SKIC2: variants seen among roughly 807,000 people sequenced by gnomAD.
The protein encoded by SKIC2 is superkiller complex protein 2.
the SKIC2 span, chr6:31,962,728 G>A: frequency 6.2e-7 from 1 of 1,612,844 alleles, no homozygotes; most frequent in African/African-American, 1.3e-5. This position sits in a 1 kb window ranked among gnomAD's most constrained non-coding sequence, Gnocchi z 5.0. Flanking sequence ...ATGCTGTACA[G>A]TGGCTCAGAT....
chr6:31,968,423 T>A, the SKIC2 span: 2 of 1,612,934 alleles, frequency 1.2e-6, no homozygotes, highest in Non-Finnish European at 8.5e-7. This position sits in a 1 kb window ranked among gnomAD's most constrained non-coding sequence, Gnocchi z 6.1. Flanking sequence ...CTCGACCCTG[T>A]CAATGACCTG....
chr6:31,968,001 C>T, the SKIC2 span: 1 of 1,613,080 alleles, frequency 6.2e-7, no homozygotes, highest in Non-Finnish European at 8.5e-7. This position sits in a 1 kb window ranked among gnomAD's most constrained non-coding sequence, Gnocchi z 6.1. Flanking sequence ...GGAGATATGG[C>T]TGCCATCACC....
At chr6:31,959,316 C>T in the SKIC2 span, 1 of 1,613,870 alleles carries the variant, frequency 6.2e-7, no homozygotes. Context: ...CTCCAGATCC[C>T]CTGGACCTAC....
the SKIC2 span, chr6:31,959,824 C>T: frequency 1.7e-6 from 1 of 600,320 alleles, no homozygotes; most frequent in South Asian, 2.0e-5. Flanking sequence ...GTCCAGCCTC[C>T]ATGTTTCTGA....
chr6:31,966,701 G>A, the SKIC2 span: 2 of 1,614,010 alleles, frequency 1.2e-6, no homozygotes, highest in Admixed American at 1.7e-5. The surrounding 1 kb of genome is among the most constrained non-coding windows in gnomAD (Gnocchi z 5.9). Context: ...TCTGTGACCT[G>A]ACTCCAGGGG....
chr6:31,966,079 C>A, the SKIC2 span: 1 of 1,022,786 alleles, frequency 9.8e-7, no homozygotes, highest in Non-Finnish European at 1.4e-6. This position sits in a 1 kb window ranked among gnomAD's most constrained non-coding sequence, Gnocchi z 5.9. Flanking sequence ...GTCTTCGATT[C>A]TCCTCTCTTC....
chr6:31,966,598 A>G, the SKIC2 span: 1 of 1,138,428 alleles, frequency 8.8e-7, no homozygotes, highest in South Asian at 1.4e-5. This position sits in a 1 kb window ranked among gnomAD's most constrained non-coding sequence, Gnocchi z 5.9. Context: ...CCAAGGCCCC[A>G]TGGTTGCAGA....
chr6:31,960,043 C>G, the SKIC2 span: 1 of 1,613,076 alleles, frequency 6.2e-7, no homozygotes, highest in Non-Finnish European at 8.5e-7. Flanking sequence ...TGCCCCAGAT[C>G]TGCAGCAAGA....
the SKIC2 span, chr6:31,961,955 T>C: frequency 1.2e-6 from 2 of 1,613,060 alleles, no homozygotes; most frequent in Non-Finnish European, 1.7e-6. Flanking sequence ...ATCCTGCACT[T>C]GGAACGGCAT....
chr6:31,967,885 T>C, the SKIC2 span: 28 of 1,612,760 alleles, frequency 1.7e-5, no homozygotes, highest in Middle Eastern at 3.3e-4. This position sits in a 1 kb window ranked among gnomAD's most constrained non-coding sequence, Gnocchi z 4.9. Context: ...CAGATGTCTG[T>C]TTTCTGCCAG....
the SKIC2 span, chr6:31,969,060 G>A: frequency 1.9e-6 from 3 of 1,611,632 alleles, no homozygotes; most frequent in African/African-American, 2.7e-5. This position sits in a 1 kb window ranked among gnomAD's most constrained non-coding sequence, Gnocchi z 6.1. Context: ...TGGGGACGCT[G>A]GGGATCAGCT....
At chr6:31,961,366 T>C in the SKIC2 span, 2 of 1,560,188 alleles carry the variant, frequency 1.3e-6, no homozygotes, top group South Asian at 2.4e-5. Context: ...AGCAAGCAGC[T>C]TGGAAGACCT....
chr6:31,965,906 C>A, the SKIC2 span: 1 of 1,613,040 alleles, frequency 6.2e-7, no homozygotes, highest in East Asian at 2.2e-5. This position sits in a 1 kb window ranked among gnomAD's most constrained non-coding sequence, Gnocchi z 5.6. Flanking sequence ...GGAGTATGTG[C>A]AGATGGCAGG....
the SKIC2 span, chr6:31,968,151 G>C: frequency 0.044 from 70,390 of 1,596,362 alleles, 2,322 homozygotes; most frequent in African/African-American, 0.15. The surrounding 1 kb of genome is among the most constrained non-coding windows in gnomAD (Gnocchi z 6.1). Context: ...CAGTGGTCTG[G>C]GAGTTTCCTC....
At chr6:31,967,425 C>T in the SKIC2 span, 1 of 1,440,028 alleles carries the variant, frequency 6.9e-7, no homozygotes, top group Non-Finnish European at 9.8e-7. This position sits in a 1 kb window ranked among gnomAD's most constrained non-coding sequence, Gnocchi z 4.9. Context: ...GGGAGCAAGC[C>T]CTCTCTCCAT....
the SKIC2 span, chr6:31,967,458 G>T: frequency 8.7e-7 from 1 of 1,147,224 alleles, no homozygotes; most frequent in Non-Finnish European, 1.3e-6. The surrounding 1 kb of genome is among the most constrained non-coding windows in gnomAD (Gnocchi z 4.9). Context: ...GCCAGGGCAG[G>T]TTGCGTCATC....
chr6:31,968,777 A>G, the SKIC2 span: 3 of 1,608,610 alleles, frequency 1.9e-6, no homozygotes, highest in Admixed American at 3.3e-5. This position sits in a 1 kb window ranked among gnomAD's most constrained non-coding sequence, Gnocchi z 6.1. Context: ...CTGCTTCCTG[A>G]GTACCATCAG....
chr6:31,967,510 C>G, the SKIC2 span: 1 of 749,664 alleles, frequency 1.3e-6, no homozygotes, highest in Non-Finnish European at 2.1e-6. The surrounding 1 kb of genome is among the most constrained non-coding windows in gnomAD (Gnocchi z 4.9). Context: ...TTTTCACCCT[C>G]TCCCTTCCCA....
At chr6:31,962,106 C>G in the SKIC2 span, 1 of 1,587,970 alleles carries the variant, frequency 6.3e-7, no homozygotes. This position sits in a 1 kb window ranked among gnomAD's most constrained non-coding sequence, Gnocchi z 5.0. Flanking sequence ...CCATTTTCTC[C>G]TGCATCCTTT....
Sources: allele counts gnomAD v4.1 joint callset, GRCh38; gene constraint gnomAD v4.1.1; non-coding constraint Gnocchi (gnomAD v3.1); transcripts MANE v1.5; gene names NCBI Gene and HGNC (gene_info 2026-07-23, HGNC 2026-07-21).